SYT7: variants seen among roughly 807,000 people sequenced by gnomAD.
SYT7 encodes synaptotagmin 7.
Under a neutral mutation model 75.1 loss-of-function variants are expected in SYT7, and 29 were observed. The ratio of observed to expected loss-of-function variants is 0.39; its 90% CI spans 0.29 to 0.53. The LOEUF is 0.53. Ranked by LOEUF, SYT7 falls within the 20% of genes least tolerant of loss-of-function variation. The pLI, the probability that SYT7 is intolerant of heterozygous loss-of-function variation, is 0.77. For synonymous variants in SYT7, 376 were observed against 401.7 expected (o/e 0.94, Z 0.76); for missense variants, 693 against 953.2 (o/e 0.73, Z 3.59).
chr11:61,566,769 G>A (rs2063780328), intron 1 of SYT7, among the ~76,000 whole-genome samples: 1 of 152,200 alleles, frequency 6.6e-6, no homozygotes. Flanking sequence ...GCCTAAATCA[G>A]CATCTTATTG....
intron 12 of SYT7, among the ~76,000 whole-genome samples, chr11:61,519,692 C>T (rs1274765589): frequency 6.6e-6 from 1 of 152,172 alleles, no homozygotes; most frequent in Admixed American, 6.5e-5. Flanking sequence ...CAAGCTGTGA[C>T]GAATGTCCCA....
At position 61,580,946 on chromosome 11, in the gene SYT7, CG is replaced by C; in HGVS notation, c.-127del. ...GGCGGGTCCGAGGGCGGGGGCCGAG[CG>C]GGCTGCACCTAGCCGCGGAGCCGGG... is the stretch of plus-strand genomic sequence containing the variant. On this transcript the variant is annotated 5_prime_UTR_variant, in exon 1 of 13. Transcript: ENST00000539008. The surrounding 1 kb of genome is among the most constrained non-coding windows in gnomAD (Gnocchi z 6.1). 1 of 1,001,638 alleles carries C rather than the reference CG, an allele frequency of 1.0e-6. No individual in the cohort carries two copies. Among genetic ancestry groups the C allele is most frequent in the Admixed American group, 6.1e-5 (1 of 16,512 alleles). The allele number at this position is 1,001,638 out of a possible 1,614,324, so 62.0% of individuals were successfully genotyped here.
Position 61,518,344 on chromosome 11 carries a change from C to T in SYT7, c.*283G>A, listed in dbSNP as rs1031407865. 16 of 321,278 alleles carry T rather than the reference C, an allele frequency of 5.0e-5. No homozygotes were observed. The highest frequency in any genetic ancestry group is 3.2e-4 in the African/African-American group (15 of 47,054). 19.9% of individuals were successfully genotyped at this position (321,278 alleles called of 1,614,324 possible). ...GGGGTCTGCCTGTCTGGCCGTCTGG[C>T]TCTCGAGCTCCCCCAACTTCTTTAG... On this transcript the variant is annotated 3_prime_UTR_variant, in exon 13 of 13. Transcript: ENST00000539008.
At chr11:61,572,133 G>C (rs1565209426) in intron 1 of SYT7, among the ~76,000 whole-genome samples, 1 of 152,058 alleles carries the variant, frequency 6.6e-6, no homozygotes, top group African/African-American at 2.4e-5. Flanking sequence ...GGGGCACACA[G>C]ACAATTCATC....
rs1221984484 is a variant in SYT7 at position 61,580,496 on chromosome 11, C to T, written c.31+294G>A. On this transcript the variant is annotated intron_variant, in intron 1 of 12. Coordinates refer to ENST00000539008, the MANE Select transcript of SYT7 (RefSeq NM_001365809.2). This position sits in a 1 kb window ranked among gnomAD's most constrained non-coding sequence, Gnocchi z 6.1. ...GGCTCCCACAGGGGCAGCGGCTCCT[C>T]GCTCCGCCACACACGTTGTCCTTGG... is the stretch of plus-strand genomic sequence containing the variant. Among the ~76,000 whole-genome samples the T allele has an allele frequency of 6.6e-6, 1 of 152,144 alleles. No homozygotes were observed. Among genetic ancestry groups the T allele is most frequent in the Non-Finnish European group, 1.5e-5 (1 of 68,006 alleles).
intron 5 of SYT7, among the ~76,000 whole-genome samples, chr11:61,545,431 A>G (rs1733393853): frequency 6.6e-6 from 1 of 152,186 alleles, no homozygotes; most frequent in South Asian, 2.1e-4. Context: ...GATGGCTGAG[A>G]TGAGGATGAA....
Position 61,523,054 on chromosome 11 carries a change from C to T in SYT7, c.1956+21G>A. The T allele has an allele frequency of 6.2e-7, 1 of 1,613,292 alleles. No homozygotes were observed. Among genetic ancestry groups the T allele is most frequent in the Non-Finnish European group, 8.5e-7 (1 of 1,179,550 alleles). On this transcript the variant is annotated intron_variant, in intron 12 of 12. Coordinates refer to ENST00000539008, the MANE Select transcript of SYT7 (RefSeq NM_001365809.2). This position sits in a 1 kb window ranked among gnomAD's most constrained non-coding sequence, Gnocchi z 5.0. Reference sequence around the variant, plus strand: ...CTCACTGGTGCCAGCAGGTGCACCACACCACCTGCCTCGCCCCTACCTTGC... The same window carrying T: ...CTCACTGGTGCCAGCAGGTGCACCATACCACCTGCCTCGCCCCTACCTTGC...
rs111644268 is a variant in SYT7, at chr11:61,523,762, G to T, written c.1756+65C>A. 1.3e-6 allele frequency: 2 copies of T among 1,483,856 alleles called. No individual in the cohort carries two copies. Among genetic ancestry groups the T allele is most frequent in the Non-Finnish European group, 9.4e-7 (1 of 1,067,726 alleles). 91.9% of individuals were successfully genotyped at this position (1,483,856 alleles called of 1,614,324 possible). A position where few individuals can be genotyped will look rare whatever the true frequency, so the allele number is the denominator to read the frequency against. On this transcript the variant is annotated intron_variant, in intron 11 of 12. Transcript: ENST00000539008. The surrounding 1 kb of genome is among the most constrained non-coding windows in gnomAD (Gnocchi z 5.0). ...ACTGCAGACCCTGCTCTCCACATCC[G>T]GTGTAAACCTTGTGTCACCAGCACC...
rs201745404 is a variant in SYT7 at position 61,523,047 on chromosome 11, T to C, written c.1956+28A>G. 3.1e-6 allele frequency: 5 copies of C among 1,611,762 alleles called. No homozygotes were observed. Among genetic ancestry groups the C allele is most frequent in the Middle Eastern group, 1.8e-4 (1 of 5,608 alleles). Reference sequence around the variant, plus strand: ...ACGGAGCCTCACTGGTGCCAGCAGGTGCACCACACCACCTGCCTCGCCCCT... The same window carrying C: ...ACGGAGCCTCACTGGTGCCAGCAGGCGCACCACACCACCTGCCTCGCCCCT... On this transcript the variant is annotated intron_variant, in intron 12 of 12. Transcript: ENST00000539008. The surrounding 1 kb of genome is among the most constrained non-coding windows in gnomAD (Gnocchi z 5.0).
chr11:61,553,477 C>T lies in SYT7; in HGVS notation c.136-2014G>A, dbSNP rs2063409709. Among the ~76,000 whole-genome samples the T allele has an allele frequency of 6.6e-6, 1 of 152,206 alleles. No homozygotes were observed. On this transcript the variant is annotated intron_variant, in intron 2 of 12. Transcript: ENST00000539008. This position sits in a 1 kb window ranked among gnomAD's most constrained non-coding sequence, Gnocchi z 5.2. ...CGAGGCCAGGAAGGGCACGGTCAGC[C>T]CTTTCCGAGCAGCGCCCCCACAGAC...
intron 7 of SYT7, among the ~76,000 whole-genome samples, chr11:61,536,456 C>G (rs375583891): frequency 2.0e-5 from 3 of 152,316 alleles, no homozygotes; most frequent in East Asian, 1.9e-4. Context: ...CCAGCCACCC[C>G]CTGTGTGCCT....
rs1053406928 is a variant in SYT7, at chr11:61,580,999, C to G, written c.-179G>C. The G allele has an allele frequency of 1.0e-6, 1 of 958,064 alleles. No homozygotes were observed. The highest frequency in any genetic ancestry group is 1.2e-4 in the East Asian group (1 of 8,630). The allele number at this position is 958,064 out of a possible 1,614,324, so 59.3% of individuals were successfully genotyped here. Reference sequence around the variant, plus strand: ...AGCGGGGGCCGCCCGCCAGCCCTCCCGCCCGCCCGCGGAGCACGCTGCCGC... The same window carrying G: ...AGCGGGGGCCGCCCGCCAGCCCTCCGGCCCGCCCGCGGAGCACGCTGCCGC... On this transcript the variant is annotated 5_prime_UTR_variant, in exon 1 of 13. Transcript: ENST00000539008. The surrounding 1 kb of genome is among the most constrained non-coding windows in gnomAD (Gnocchi z 6.1).
intron 12 of SYT7, among the ~76,000 whole-genome samples, chr11:61,522,482 G>A (rs531725917): frequency 3.3e-5 from 5 of 152,264 alleles, no homozygotes; most frequent in African/African-American, 1.2e-4. Flanking sequence ...GAGCCACTGT[G>A]CCCGGCCAAC....
At chr11:61,528,430 ACTTCCCAGGCT>A (rs1303818210) in intron 8 of SYT7, among the ~76,000 whole-genome samples, 1 of 152,022 alleles carries the variant, frequency 6.6e-6, no homozygotes, top group African/African-American at 2.4e-5. Context: ...CACGACACTC[ACTTCCCAGGCT>A]CTCCTCGCAG....
intron 1 of SYT7, among the ~76,000 whole-genome samples, chr11:61,571,070 A>C (rs2063907618): frequency 6.6e-6 from 1 of 152,236 alleles, no homozygotes; most frequent in African/African-American, 2.4e-5. Context: ...CCACAAAGCA[A>C]GTCAGCACAA....
intron 1 of SYT7, among the ~76,000 whole-genome samples, chr11:61,562,390 C>T (rs2135384693): frequency 6.6e-6 from 1 of 152,268 alleles, no homozygotes; most frequent in Admixed American, 6.5e-5. Context: ...TAAATGAGGG[C>T]TGATAATAGT....
In SYT7 at chr11:61,518,584, G is replaced by A; in HGVS notation, c.*43C>T. 7.1e-7 allele frequency: 1 copy of A among 1,413,854 alleles called. No individual in the cohort carries two copies. Among genetic ancestry groups the A allele is most frequent in the Non-Finnish European group, 9.6e-7 (1 of 1,041,412 alleles). 87.6% of individuals were successfully genotyped at this position (1,413,854 alleles called of 1,614,324 possible). A position where few individuals can be genotyped will look rare whatever the true frequency, so the allele number is the denominator to read the frequency against. On this transcript the variant is annotated 3_prime_UTR_variant, in exon 13 of 13. Transcript: ENST00000539008. ...GTGCATAAAGTGGTGAGGGCATGATGGGGACCTGGGCCCTCGGCCCCCTGG... is the reference window on the plus strand; with the variant it reads ...GTGCATAAAGTGGTGAGGGCATGATAGGGACCTGGGCCCTCGGCCCCCTGG...
chr11:61,537,370 T>C (rs2062898607), intron 7 of SYT7, among the ~76,000 whole-genome samples: 1 of 148,618 alleles, frequency 6.7e-6, no homozygotes. Context: ...CAGTAGGAGA[T>C]GCTTCCCTGA....
At chr11:61,526,577 G>A (rs906588509) in intron 9 of SYT7, 1 of 152,228 alleles carries the variant, frequency 6.6e-6, no homozygotes, top group Non-Finnish European at 1.5e-5. Flanking sequence ...GGCCATAATG[G>A]TGCCTCATTC....
Sources: gnomAD v4.1 joint callset for allele counts (sites outside exome capture counted in the v4.1 genomes callset) on GRCh38, gnomAD v4.1.1 for gene constraint, Gnocchi (gnomAD v3.1) non-coding constraint, MANE v1.5 for transcripts, NCBI Gene and HGNC (gene_info 2026-07-23, HGNC 2026-07-21) for gene names.